The following CEP112 variants were observed in gnomAD, a reference collection of about 807,000 sequenced individuals.
The protein encoded by CEP112 is centrosomal protein 112, also known as centrosomal protein of 112 kDa.
Under a neutral mutation model 153.0 loss-of-function variants are expected in CEP112, and 127 were observed. The ratio of observed to expected loss-of-function variants is 0.83; its 90% CI spans 0.72 to 0.96. The LOEUF is 0.96. Among genes scored for constraint, CEP112 ranks in the 40% least tolerant of loss-of-function variants. The probability of loss-of-function intolerance (pLI) is 0.00; values close to 1 mark genes in which losing one functional copy is unlikely to be tolerated. For missense variants in CEP112, 1,089 were observed against 1,101.2 expected (o/e 0.99, Z 0.16); for synonymous variants, 358 against 374.4 (o/e 0.96, Z 0.51).
chr17:66,159,620 T>C (rs898247175), intron 4 of CEP112, among the ~76,000 whole-genome samples: 17 of 152,218 alleles, frequency 1.1e-4, no homozygotes, highest in Non-Finnish European at 2.4e-4. Context: ...TCTCAATAGA[T>C]GCAGAAAAGG....
At chr17:66,164,288 T>C (rs956989451) in intron 4 of CEP112, among the ~76,000 whole-genome samples, 3 of 152,228 alleles carry the variant, frequency 2.0e-5, no homozygotes, top group Non-Finnish European at 4.4e-5. Flanking sequence ...CCAGGCACAG[T>C]GGCTCACGCC....
intron 21 of CEP112, among the ~76,000 whole-genome samples, chr17:65,818,467 T>A (rs1020158051): frequency 6.6e-6 from 1 of 151,808 alleles, no homozygotes; most frequent in Non-Finnish European, 1.5e-5. Context: ...TCCCCCACCA[T>A]CCTTCCTCAG....
chr17:65,709,959 C>G (rs998993969), intron 23 of CEP112, among the ~76,000 whole-genome samples: 4 of 152,138 alleles, frequency 2.6e-5, no homozygotes, highest in Non-Finnish European at 5.9e-5. Context: ...ATTTCAGACC[C>G]CTAAGCATGG....
At chr17:66,186,531 C>T (rs75447230) in intron 1 of CEP112, among the ~76,000 whole-genome samples, 1 of 152,056 alleles carries the variant, frequency 6.6e-6, no homozygotes, top group African/African-American at 2.4e-5. Context: ...CCTCGTGATC[C>T]GCCTGCCTCG....
At chr17:65,945,854 C>T (rs2061634867) in intron 18 of CEP112, among the ~76,000 whole-genome samples, 1 of 152,106 alleles carries the variant, frequency 6.6e-6, no homozygotes, top group African/African-American at 2.4e-5. Context: ...ACCATGTTGG[C>T]CAGGCTGGTC....
At chr17:65,661,760 T>C (rs953767868) in intron 24 of CEP112, 3 of 152,204 alleles carry the variant, frequency 2.0e-5, no homozygotes, top group Non-Finnish European at 2.9e-5. Context: ...GGAGTTTGCA[T>C]GAAGCAGATC....
At chr17:65,698,394 C>G (rs985541881) in intron 23 of CEP112, among the ~76,000 whole-genome samples, 2 of 152,138 alleles carry the variant, frequency 1.3e-5, no homozygotes, top group African/African-American at 4.8e-5. Flanking sequence ...TTCCTTCTCT[C>G]GCTCACCTAT....
At chr17:65,637,638 C>T (rs1256167710) in intron 25 of CEP112, among the ~76,000 whole-genome samples, 8 of 152,234 alleles carry the variant, frequency 5.3e-5, no homozygotes, top group African/African-American at 1.4e-4. Flanking sequence ...CTCCTTGCCT[C>T]CTAGCCCCAG....
At chr17:65,810,209 C>T (rs557880135) in intron 21 of CEP112, among the ~76,000 whole-genome samples, 6 of 152,230 alleles carry the variant, frequency 3.9e-5, no homozygotes, top group East Asian at 1.9e-4. Context: ...TAAACAAAGA[C>T]GTGGCACAGT....
intron 20 of CEP112, among the ~76,000 whole-genome samples, chr17:65,866,023 C>G (rs2058472069): frequency 6.6e-6 from 1 of 151,986 alleles, no homozygotes; most frequent in African/African-American, 2.4e-5. Flanking sequence ...ACCTGGGCCT[C>G]CCTGTGCTCT....
At chr17:66,131,742 A>G (rs1297594031) in intron 5 of CEP112, among the ~76,000 whole-genome samples, 1 of 151,948 alleles carries the variant, frequency 6.6e-6, no homozygotes, top group Admixed American at 6.5e-5. Context: ...GCAAGACTCC[A>G]TCACAAAAAA....
At chr17:65,895,563 C>G (rs2059630829) in intron 20 of CEP112, among the ~76,000 whole-genome samples, 1 of 152,050 alleles carries the variant, frequency 6.6e-6, no homozygotes, top group Non-Finnish European at 1.5e-5. Flanking sequence ...GTCTCTCTCT[C>G]CCACACCAGG....
intron 4 of CEP112, among the ~76,000 whole-genome samples, chr17:66,136,767 C>T (rs971595687): frequency 7.9e-5 from 12 of 152,148 alleles, no homozygotes; most frequent in African/African-American, 2.7e-4. Flanking sequence ...AGATTATGAT[C>T]TCCTAAAAAC....
chr17:65,864,306 C>T (rs564082597), intron 20 of CEP112, among the ~76,000 whole-genome samples: 5 of 152,228 alleles, frequency 3.3e-5, no homozygotes, highest in African/African-American at 1.2e-4. Flanking sequence ...GTTAATGTGC[C>T]TAAGTGTCCC....
intron 12 of CEP112, among the ~76,000 whole-genome samples, chr17:66,040,494 CT>C (rs71160522): frequency 2.1e-4 from 28 of 133,474 alleles, no homozygotes; most frequent in African/African-American, 6.2e-4. Context: ...CCCTTTTTTT[CT>C]TTTTTTTTTT....
intron 21 of CEP112, among the ~76,000 whole-genome samples, chr17:65,807,106 T>C (rs1568042524): frequency 6.6e-6 from 1 of 152,094 alleles, no homozygotes. Context: ...GATAAAGAAC[T>C]TATTGGGAAG....
intron 21 of CEP112, among the ~76,000 whole-genome samples, chr17:65,792,584 T>TA (rs11409296): frequency 0.96 from 142,865 of 149,564 alleles, 68,396 homozygotes; most frequent in East Asian, 1. Context: ...AAAAACTCTT[T>TA]AAAAAAAAAA....
intron 21 of CEP112, among the ~76,000 whole-genome samples, chr17:65,819,222 A>G (rs1355361180): frequency 6.6e-6 from 1 of 151,966 alleles, no homozygotes; most frequent in Non-Finnish European, 1.5e-5. Flanking sequence ...GAACACTACC[A>G]CTAGCCTCAC....
intron 4 of CEP112, among the ~76,000 whole-genome samples, chr17:66,170,940 G>A (rs1055623420): frequency 3.9e-5 from 6 of 152,088 alleles, no homozygotes; most frequent in Non-Finnish European, 8.8e-5. Flanking sequence ...ACCAGGACAG[G>A]ACTACTAGCT....
Sources: gnomAD v4.1 joint callset for allele counts (sites outside exome capture counted in the v4.1 genomes callset) on GRCh38, gnomAD v4.1.1 for gene constraint, MANE v1.5 for transcripts, NCBI Gene and HGNC (gene_info 2026-07-23, HGNC 2026-07-21) for gene names.